The following SLC22A14 variants were observed in gnomAD, a reference collection of about 807,000 sequenced individuals.
The protein encoded by SLC22A14 is organic cation transporter-like 4.
Under a neutral mutation model 53.9 loss-of-function variants are expected in SLC22A14, and 50 were observed. The observed-to-expected ratio is 0.93, with a 90% confidence interval of 0.74 to 1.17. The LOEUF (loss-of-function observed/expected upper bound fraction) is 1.17, where lower values mean the gene tolerates loss of function less well. Ranked by LOEUF, SLC22A14 falls within the 50% of genes most tolerant of loss-of-function variation. The pLI, the probability that SLC22A14 is intolerant of heterozygous loss-of-function variation, is 0.00. For missense variants in SLC22A14, 671 were observed against 734.7 expected (o/e 0.91, Z 1.00); for synonymous variants, 312 against 303.0 (o/e 1.03, Z -0.31).
At chr3:38,315,489 G>A in intron 8 of SLC22A14, 69 bp from the exon 9 acceptor site, 3 of 1,506,288 alleles carry the variant, frequency 2.0e-6, no homozygotes, top group Non-Finnish European at 2.7e-6. Flanking sequence ...TGGTGGGGAA[G>A]GCTGTTCAGA....
chr3:38,299,450 G>T (rs574335767), intron 1 of SLC22A14, among the ~76,000 whole-genome samples: 2 of 152,168 alleles, frequency 1.3e-5, no homozygotes, highest in African/African-American at 4.8e-5. Context: ...ATTACATGAA[G>T]GGCAGCTTAC....
chr3:38,280,324 T>C (rs1703640848), upstream of SLC22A14, among the ~76,000 whole-genome samples: 1 of 152,160 alleles, frequency 6.6e-6, no homozygotes, highest in African/African-American at 2.4e-5. Context: ...TTTTCTTTTC[T>C]CAAAAACCCG....
Position 38,313,754 on chromosome 3 carries a change from G to A in SLC22A14, c.1191G>A (p.Thr397=), listed in dbSNP as rs565372243. ...TTACCGTCAGTTACACCTATTTTAC[G>A]TTGAGCCTGAGAATGAGAGAGCTGG... ...VWFTVSYTYF[T]LSLRMRELGV... is the part of the protein sequence containing the mutation. Residue 397 remains threonine, a synonymous_variant, in exon 8 of 11, where the codon ACG becomes ACA. Coordinates refer to ENST00000448498, the MANE Select transcript of SLC22A14 (RefSeq NM_001320033.2). The A allele has an allele frequency of 1.8e-5, 29 of 1,590,978 alleles. No homozygotes were observed. Among genetic ancestry groups the A allele is most frequent in the Middle Eastern group, 1.7e-4 (1 of 5,912 alleles).
chr3:38,316,372 C>T lies in SLC22A14; in HGVS notation c.1581C>T (p.Ile527=), dbSNP rs780227462. 29 of 1,614,068 alleles carry T rather than the reference C, an allele frequency of 1.8e-5. No individual in the cohort carries two copies. The South Asian group carries it at 3.0e-4, about 16-fold the overall frequency. ...CTCTGGCCTCGGTGGCTGGAGCCAT[C>T]TTGTCCCTGACAATCATCAGCCAGA... The part of the protein sequence containing the change: ...LVSLASVAGA[I]LSLTIISQTP... The change falls in exon 10 of 11, where the codon ATC becomes ATT. Residue 527 remains isoleucine (I), a synonymous_variant. Transcript: ENST00000448498.
chr3:38,302,245 AG>A (rs2125882440), intron 1 of SLC22A14, among the ~76,000 whole-genome samples: 1 of 122,498 alleles, frequency 8.2e-6, no homozygotes, highest in Non-Finnish European at 1.8e-5. Flanking sequence ...AAAAAAAAAA[AG>A]TATATATATA....
intron 1 of SLC22A14, among the ~76,000 whole-genome samples, chr3:38,285,639 AT>A (rs1703775144): frequency 6.6e-6 from 1 of 152,144 alleles, no homozygotes; most frequent in Non-Finnish European, 1.5e-5. Flanking sequence ...CTTCATTTTC[AT>A]TGCTATATTG....
At chr3:38,292,809 T>A in intron 1 of SLC22A14, among the ~76,000 whole-genome samples, 1 of 152,146 alleles carries the variant, frequency 6.6e-6, no homozygotes, top group East Asian at 1.9e-4. Flanking sequence ...TTTGCTAGAA[T>A]GTCTCTCCCT....
intron 1 of SLC22A14, among the ~76,000 whole-genome samples, chr3:38,301,918 TATATAA>T (rs1263800719): frequency 1.3e-5 from 2 of 151,704 alleles, no homozygotes; most frequent in African/African-American, 2.4e-5. Context: ...ATCTATTACT[TATATAA>T]ATATAAGTAT....
At chr3:38,292,674 G>A (rs1423747536) in intron 1 of SLC22A14, among the ~76,000 whole-genome samples, 1 of 152,016 alleles carries the variant, frequency 6.6e-6, no homozygotes. Flanking sequence ...TGAACAGGAC[G>A]GGAATTCTTT....
intron 1 of SLC22A14, among the ~76,000 whole-genome samples, chr3:38,296,114 C>T (rs1423879245): frequency 6.6e-6 from 1 of 152,226 alleles, no homozygotes; most frequent in African/African-American, 2.4e-5. Context: ...TTTGGGGCTA[C>T]ACTTTCAAGA....
At chr3:38,281,298 AT>A (rs1258351103), upstream of SLC22A14, among the ~76,000 whole-genome samples, 1 of 152,154 alleles carries the variant, frequency 6.6e-6, no homozygotes, top group African/African-American at 2.4e-5. Context: ...AATATATGAA[AT>A]TCTTTTAATT....
chr3:38,313,612 C>CT (rs1229076690), intron 7 of SLC22A14, 115 bp from the exon 8 acceptor site: 5 of 950,522 alleles, frequency 5.3e-6, no homozygotes, highest in Admixed American at 3.8e-5. Flanking sequence ...GGTCTCTGTG[C>CT]TTATTTCTCT....
chr3:38,309,939 A>T (rs1232184891), intron 5 of SLC22A14, among the ~76,000 whole-genome samples: 1 of 152,114 alleles, frequency 6.6e-6, no homozygotes, highest in Non-Finnish European at 1.5e-5. Context: ...GAGGAGGGAG[A>T]ACTGAGGCTT....
chr3:38,297,993 ACAC>A (rs1272477207), intron 1 of SLC22A14, among the ~76,000 whole-genome samples: 2 of 152,150 alleles, frequency 1.3e-5, no homozygotes, highest in African/African-American at 4.8e-5. Context: ...CATTTTTTCT[ACAC>A]TTATTACTGC....
chr3:38,287,798 A>G (rs1703824594), intron 1 of SLC22A14, among the ~76,000 whole-genome samples: 1 of 152,246 alleles, frequency 6.6e-6, no homozygotes, highest in Non-Finnish European at 1.5e-5. Flanking sequence ...ACAGATCAAT[A>G]TGGAGAACTG....
intron 1 of SLC22A14, among the ~76,000 whole-genome samples, chr3:38,293,188 T>C (rs1703949970): frequency 6.6e-6 from 1 of 152,200 alleles, no homozygotes; most frequent in Non-Finnish European, 1.5e-5. Flanking sequence ...AGTGATGCCC[T>C]TGACATAAGG....
At chr3:38,312,949 G>A (rs771063923) in intron 5 of SLC22A14, 50 bp from the exon 6 acceptor site, 19 of 1,561,464 alleles carry the variant, frequency 1.2e-5, no homozygotes, top group Middle Eastern at 1.7e-4. Flanking sequence ...CCAGCAGGGG[G>A]TCTCTGGGCA....
At position 38,306,013 on chromosome 3, in the gene SLC22A14, C is replaced by T. The variant is rs1704289803; in HGVS notation, c.1-14C>T. ...GTGTCAGCAGAGACTGAGCTGCACCCTTTCTTTGGACAGATGGCAGGAGAG... is the reference window on the plus strand; with the variant it reads ...GTGTCAGCAGAGACTGAGCTGCACCTTTTCTTTGGACAGATGGCAGGAGAG... On this transcript the variant is annotated splice_polypyrimidine_tract_variant and intron_variant, in intron 1 of 10. Transcript: ENST00000448498. 6.3e-7 allele frequency: 1 copy of T among 1,599,040 alleles called. No homozygotes were observed. Among genetic ancestry groups the T allele is most frequent in the Non-Finnish European group, 8.5e-7 (1 of 1,171,564 alleles).
chr3:38,288,776 T>C (rs1703844921), intron 1 of SLC22A14, among the ~76,000 whole-genome samples: 1 of 152,210 alleles, frequency 6.6e-6, no homozygotes, highest in South Asian at 2.1e-4. Flanking sequence ...GTGTCTTGTA[T>C]GTATTTTGTT....
Sources: allele counts gnomAD v4.1 joint callset (sites outside exome capture counted in the v4.1 genomes callset), GRCh38; gene constraint gnomAD v4.1.1; transcripts MANE v1.5; gene names NCBI Gene and HGNC (gene_info 2026-07-23, HGNC 2026-07-21).